The following BRWD3 variants were observed in gnomAD, a reference collection of about 807,000 sequenced individuals.
BRWD3 encodes bromodomain and WD repeat domain containing 3.
Under a neutral mutation model 149.7 loss-of-function variants are expected in BRWD3, and 10 were observed. That is an observed-to-expected ratio of 0.07 (90% CI 0.04 to 0.11). The LOEUF (loss-of-function observed/expected upper bound fraction) is 0.11, where lower values mean the gene tolerates loss of function less well. BRWD3 is among the 10% of genes least tolerant of loss of function. The pLI is 1.00. For missense variants in BRWD3, 940 were observed against 1,373.2 expected, an observed-to-expected ratio of 0.68 and a Z score of 4.99; for synonymous variants, 504 against 456.7, an observed-to-expected ratio of 1.10 and a Z score of -1.32.
At chrX:80,712,354 T>C (rs929892701) in intron 20 of BRWD3, among the ~76,000 whole-genome samples, 3 of 110,790 alleles carry the variant, frequency 2.7e-5, no homozygotes, top group African/African-American at 9.9e-5. Context: ...TTTCGCTGTG[T>C]TGGCCGGGCT....
rs1485091738 is a variant in BRWD3, at chrX:80,809,783, G to C, written c.-312C>G. The C allele has an allele frequency of 1.7e-5, 2 of 114,778 alleles. No homozygotes were observed. Among genetic ancestry groups the C allele is most frequent in the East Asian group, 1.6e-4 (1 of 6,066 alleles). 9.5% of individuals were successfully genotyped at this position (114,778 alleles called of 1,213,427 possible). The stretch of plus-strand genomic sequence containing the variant: ...AAAGAGAGAGAGAGAGAGAGAGAGA[G>C]AGAGAGAGAGAGAGAGAGAGACGCG... On this transcript the variant is annotated 5_prime_UTR_variant, in exon 1 of 41. Transcript: ENST00000373275.
Position 80,671,396 on chromosome X carries a change from GTAA to G in BRWD3, c.*5210_*5212del, listed in dbSNP as rs1451273824. ...TAGTTTCTCAGATTAAAAAGTAATA[GTAA>G]TAAAATATTCTATGACAAAGAAACA... On this transcript the variant is annotated 3_prime_UTR_variant, in exon 41 of 41. Transcript: ENST00000373275. 2 of 112,032 alleles carry G rather than the reference GTAA, an allele frequency of 1.8e-5. No individual in the cohort carries two copies. Among genetic ancestry groups the G allele is most frequent in the Admixed American group, 1.9e-4 (2 of 10,567 alleles). The allele number at this position is 112,032 out of a possible 1,213,427, so 9.2% of individuals were successfully genotyped here. A position where few individuals can be genotyped will look rare whatever the true frequency, so the allele number is the denominator to read the frequency against.
At chrX:80,716,275 T>C in intron 19 of BRWD3, 25 bp from the exon 20 acceptor site, 1 of 1,088,729 alleles carries the variant, frequency 9.2e-7, no homozygotes. Context: ...AAGGTCAAAG[T>C]AACAGAAAAT....
intron 25 of BRWD3, 150 bp from the exon 26 acceptor site, chrX:80,697,013 C>A: frequency 1.8e-6 from 1 of 569,365 alleles, no homozygotes; most frequent in Non-Finnish European, 2.8e-6. Flanking sequence ...AGATATGGCT[C>A]TTAACTCCTA....
chrX:80,756,090 A>G (rs1158815210), intron 6 of BRWD3, among the ~76,000 whole-genome samples: 1 of 112,196 alleles, frequency 8.9e-6, no homozygotes, highest in Admixed American at 9.5e-5. Context: ...ATAAGGTATG[A>G]CATATATCAT....
intron 4 of BRWD3, among the ~76,000 whole-genome samples, chrX:80,795,805 C>A (rs1397956461): frequency 9.1e-6 from 1 of 110,337 alleles, no homozygotes; most frequent in Non-Finnish European, 1.9e-5. Context: ...TGGTGGCACG[C>A]CTGTAGTCCC....
At chrX:80,776,267 A>G (rs1029677804) in intron 6 of BRWD3, among the ~76,000 whole-genome samples, 20 of 112,289 alleles carry the variant, frequency 1.8e-4, no homozygotes, top group Non-Finnish European at 3.8e-4. Flanking sequence ...AGATGGTCAC[A>G]TCAGAGTTGT....
chrX:80,765,371 T>C (rs890287333), intron 6 of BRWD3, among the ~76,000 whole-genome samples: 1 of 111,859 alleles, frequency 8.9e-6, no homozygotes, highest in Non-Finnish European at 1.9e-5. Context: ...TTAGAGCATC[T>C]CATAGTATTA....
chrX:80,778,862 G>C (rs969619387), intron 6 of BRWD3, among the ~76,000 whole-genome samples: 5 of 111,222 alleles, frequency 4.5e-5, no homozygotes, highest in Non-Finnish European at 9.4e-5. Context: ...AGCTGAGCGT[G>C]GTGGTGCACA....
At position 80,772,459 on chromosome X, in the gene BRWD3, G is replaced by A. The variant is rs1024545467; in HGVS notation, c.430+19395C>T. ...CAGGGCGGGGAACATCACACCCTGG[G>A]GCCTGTCGTCGGGTGGAGGCCAGGG... On this transcript the variant is annotated intron_variant, in intron 6 of 40. Coordinates refer to ENST00000373275, the MANE Select transcript of BRWD3 (RefSeq NM_153252.5). Among the ~76,000 whole-genome samples the A allele has an allele frequency of 4.5e-5, 5 of 110,502 alleles. No homozygotes were observed. The Admixed American group carries it at 4.8e-4, about 11-fold the overall frequency.
At chrX:80,731,147 G>C (rs2073324695) in intron 12 of BRWD3, among the ~76,000 whole-genome samples, 1 of 111,068 alleles carries the variant, frequency 9.0e-6, no homozygotes, top group Non-Finnish European at 1.9e-5. Context: ...ACAAGTTGTA[G>C]AAGTGTCCAT....
At chrX:80,731,124 T>A (rs1441716059) in intron 12 of BRWD3, among the ~76,000 whole-genome samples, 3 of 111,715 alleles carry the variant, frequency 2.7e-5, no homozygotes, top group Admixed American at 9.5e-5. Context: ...TTTTAATAAT[T>A]TATAATCTCA....
At chrX:80,688,009 G>T in intron 34 of BRWD3, 60 bp downstream of exon 34, 1 of 930,055 alleles carries the variant, frequency 1.1e-6, no homozygotes, top group Non-Finnish European at 1.6e-6. Context: ...TTGGTCTTAG[G>T]GATCACTGAC....
chrX:80,694,483 C>T (rs2072653679), intron 27 of BRWD3, among the ~76,000 whole-genome samples: 1 of 110,614 alleles, frequency 9.0e-6, no homozygotes, highest in African/African-American at 3.3e-5. Flanking sequence ...ACAACGTGCG[C>T]CGTGTGCCTG....
intron 36 of BRWD3, 152 bp from the exon 37 acceptor site, chrX:80,684,314 T>G (rs746339479): frequency 4.0e-5 from 20 of 494,756 alleles, no homozygotes; most frequent in South Asian, 9.7e-5. Flanking sequence ...AAACATCTTT[T>G]GGTGGCTCAT....
intron 6 of BRWD3, among the ~76,000 whole-genome samples, chrX:80,782,946 C>A (rs1161654516): frequency 9.3e-6 from 1 of 107,661 alleles, no homozygotes; most frequent in African/African-American, 3.5e-5. Context: ...GGAGCTCAAA[C>A]AACTCAATAG....
chrX:80,714,537 C>G (rs1265994581), intron 20 of BRWD3, among the ~76,000 whole-genome samples: 1 of 111,172 alleles, frequency 9.0e-6, no homozygotes, highest in Non-Finnish European at 1.9e-5. Flanking sequence ...TCCAGTTGTC[C>G]TGCTTTTCTG....
At chrX:80,728,555 A>T (rs1277557162) in intron 14 of BRWD3, among the ~76,000 whole-genome samples, 197 bp downstream of exon 14, 2 of 111,580 alleles carry the variant, frequency 1.8e-5, no homozygotes, top group African/African-American at 6.5e-5. Flanking sequence ...TCTTGAAAAG[A>T]TTTCATACTT....
At chrX:80,748,318 C>T (rs908437272) in intron 6 of BRWD3, among the ~76,000 whole-genome samples, 21 of 112,352 alleles carry the variant, frequency 1.9e-4, no homozygotes, top group Admixed American at 9.5e-5. Flanking sequence ...CAGCCTTTTG[C>T]ATCTATTCTC....
Sources: gnomAD v4.1 joint callset for allele counts (sites outside exome capture counted in the v4.1 genomes callset) on GRCh38, gnomAD v4.1.1 for gene constraint, MANE v1.5 for transcripts, NCBI Gene and HGNC (gene_info 2026-07-23, HGNC 2026-07-21) for gene names.